Variants in FSIP1 observed in about 807,000 individuals in gnomAD.
FSIP1 encodes the protein fibrous sheath interacting protein 1.
In FSIP1, 65 loss-of-function variants were observed where a neutral mutation model predicts 60.9. The ratio of observed to expected loss-of-function variants is 1.07; its 90% CI spans 0.87 to 1.31. The LOEUF (loss-of-function observed/expected upper bound fraction) is 1.31. Ranked by LOEUF, FSIP1 falls within the 40% of genes most tolerant of loss-of-function variation. The probability of loss-of-function intolerance (pLI) is 0.00; values close to 1 mark genes in which losing one functional copy is unlikely to be tolerated. For synonymous variants in FSIP1, 209 were observed against 221.2 expected, an observed-to-expected ratio of 0.94 and a Z score of 0.49; for missense variants, 675 against 665.5, an observed-to-expected ratio of 1.01 and a Z score of -0.16.
At chr15:39,739,191 C>T (rs1896718788) in intron 7 of FSIP1, among the ~76,000 whole-genome samples, 2 of 152,172 alleles carry the variant, frequency 1.3e-5, no homozygotes, top group Admixed American at 6.5e-5. Flanking sequence ...GCTGCTGGGA[C>T]GTCCAGAGAA....
intron 10 of FSIP1, among the ~76,000 whole-genome samples, chr15:39,706,404 G>A (rs544220741): frequency 8.8e-4 from 134 of 152,200 alleles, no homozygotes; most frequent in Non-Finnish European, 1.6e-3. Flanking sequence ...CTGGCCTAAC[G>A]GGTGTATATA....
Position 39,751,795 on chromosome 15 carries a change from A to G in FSIP1, c.560-9895T>C, listed in dbSNP as rs1319707396. On this transcript the variant is annotated intron_variant, in intron 5 of 11. Transcript: ENST00000350221. ...GTATTACATTCAGGATTTTTGCTAA[A>G]TGAGATTATAGCTGCTCTTCCCATG... 9.9e-5 allele frequency among the ~76,000 whole-genome samples: 15 copies of G among 151,956 alleles called. No homozygotes were observed. The East Asian group carries it at 2.7e-3, about 27-fold the overall frequency.
intron 9 of FSIP1, among the ~76,000 whole-genome samples, chr15:39,715,910 C>T (rs1895720295): frequency 6.6e-6 from 1 of 152,190 alleles, no homozygotes; most frequent in Non-Finnish European, 1.5e-5. Flanking sequence ...CCTGCTTCCC[C>T]TTCACCTTCT....
At position 39,770,463 on chromosome 15, in the gene FSIP1, C is replaced by G. The variant is rs372076676; in HGVS notation, c.274G>C (p.Asp92His). ...GAGATTATCTGATGTTGAACCAAAT[C>G]CAGATCTTCATCTGATCCCTCTTCA... ...LAEEGSDEDL[D>H]LVQHQIISEC... The change falls in exon 3 of 12, where the codon GAT becomes CAT. Residue 92 changes from aspartate to histidine, a missense_variant. Asp to His is a moderately conservative substitution (Grantham distance 81, BLOSUM62 -1). Coordinates refer to ENST00000350221, the MANE Select transcript of FSIP1 (RefSeq NM_152597.5). 17 of 1,607,608 alleles carry G rather than the reference C, an allele frequency of 1.1e-5. No homozygotes were observed. The African/African-American group carries it at 1.7e-4, about 16-fold the overall frequency.
intron 3 of FSIP1, among the ~76,000 whole-genome samples, chr15:39,766,832 ACTTCTT>A (rs141611716): frequency 1.3e-5 from 2 of 151,984 alleles, no homozygotes; most frequent in African/African-American, 4.8e-5. Context: ...AATGTGCATC[ACTTCTT>A]CTTCTTCTTC....
intron 10 of FSIP1, among the ~76,000 whole-genome samples, chr15:39,708,067 G>A (rs938970809): frequency 7.2e-5 from 11 of 152,142 alleles, no homozygotes; most frequent in South Asian, 2.1e-4. Context: ...CTATGAAAGC[G>A]GATACTCCCA....
chr15:39,726,082 G>A (rs993865480), intron 9 of FSIP1, among the ~76,000 whole-genome samples: 8 of 152,066 alleles, frequency 5.3e-5, no homozygotes, highest in East Asian at 1.9e-4. Context: ...ATGAGCCACC[G>A]CACCTGCTTT....
At chr15:39,697,879 C>T (rs909357744) in intron 10 of FSIP1, among the ~76,000 whole-genome samples, 1 of 152,046 alleles carries the variant, frequency 6.6e-6, no homozygotes, top group South Asian at 2.1e-4. Context: ...TAAAAACACA[C>T]AGCTAGACAC....
chr15:39,716,943 T>A lies in FSIP1; in HGVS notation c.1051-3362A>T, dbSNP rs1181418112. Among the ~76,000 whole-genome samples the A allele has an allele frequency of 8.6e-5, 13 of 151,076 alleles. No individual in the cohort carries two copies. The South Asian group carries it at 2.5e-3, about 29-fold the overall frequency. ...GATTCTCCTGCCTCAGCCTCCTGAG[T>A]AGCTGAGATTACAGGCATGCACCAC... On this transcript the variant is annotated intron_variant, in intron 9 of 11. Coordinates refer to ENST00000350221, the MANE Select transcript of FSIP1 (RefSeq NM_152597.5).
At chr15:39,757,579 T>C (rs1897338877) in intron 5 of FSIP1, among the ~76,000 whole-genome samples, 1 of 152,158 alleles carries the variant, frequency 6.6e-6, no homozygotes. Flanking sequence ...AACTACTTTT[T>C]TGTTTTTAAG....
intron 10 of FSIP1, among the ~76,000 whole-genome samples, chr15:39,629,297 C>G (rs1193497526): frequency 6.6e-6 from 1 of 152,128 alleles, no homozygotes; most frequent in Non-Finnish European, 1.5e-5. Context: ...CTATCATCGC[C>G]CTCGGAAGGT....
chr15:39,600,468 G>A lies in FSIP1; in HGVS notation c.*412C>T, dbSNP rs1472202369. 6.5e-6 allele frequency: 1 copy of A among 154,592 alleles called. No individual in the cohort carries two copies. The highest frequency in any genetic ancestry group is 1.4e-5 in the Non-Finnish European group (1 of 69,840). 9.6% of individuals were successfully genotyped at this position (154,592 alleles called of 1,614,324 possible). On this transcript the variant is annotated 3_prime_UTR_variant, in exon 12 of 12. Transcript: ENST00000350221. ...ACAGACATGAGACAAGTGGGAAGAA[G>A]GAAAAGCAGGGCCACAGCAAAAATT...
intron 10 of FSIP1, among the ~76,000 whole-genome samples, chr15:39,659,404 TG>T (rs1168578626): frequency 6.6e-6 from 1 of 151,800 alleles, no homozygotes; most frequent in Admixed American, 6.6e-5. Flanking sequence ...TAGCCAGGCG[TG>T]GTGGCGGGCG....
intron 10 of FSIP1, among the ~76,000 whole-genome samples, chr15:39,629,172 G>A (rs1320567234): frequency 6.6e-6 from 1 of 152,158 alleles, no homozygotes; most frequent in African/African-American, 2.4e-5. Flanking sequence ...CAATGAGTAA[G>A]CTGTCATGTG....
chr15:39,744,025 C>A (rs1896896399), intron 5 of FSIP1, among the ~76,000 whole-genome samples: 1 of 152,070 alleles, frequency 6.6e-6, no homozygotes, highest in Admixed American at 6.5e-5. Context: ...GGCAAAATCT[C>A]AATAAAGCCT....
chr15:39,698,275 T>G (rs2140518566), intron 10 of FSIP1, among the ~76,000 whole-genome samples: 1 of 151,832 alleles, frequency 6.6e-6, no homozygotes, highest in East Asian at 1.9e-4. Flanking sequence ...TAAATATAAT[T>G]TCATCTGCTT....
chr15:39,598,689 AATT>A (rs2140355168), downstream of FSIP1: 1 of 152,284 alleles, frequency 6.6e-6, no homozygotes, highest in South Asian at 2.1e-4. Context: ...TAAAAATTAA[AATT>A]ATGTCATCGA....
At chr15:39,705,992 G>A (rs1000150713) in intron 10 of FSIP1, among the ~76,000 whole-genome samples, 5 of 80,052 alleles carry the variant, frequency 6.2e-5, no homozygotes, top group Non-Finnish European at 1.2e-4. Context: ...AGTGAGACTC[G>A]GTCTCAAAAA....
In FSIP1 at chr15:39,741,858, T is replaced by C. The variant is rs1896814119; in HGVS notation, c.602A>G (p.His201Arg). 1.2e-6 allele frequency: 2 copies of C among 1,607,102 alleles called. No individual in the cohort carries two copies. Among genetic ancestry groups the C allele is most frequent in the Non-Finnish European group, 1.7e-6 (2 of 1,174,194 alleles). The stretch of plus-strand genomic sequence containing the variant: ...ATATTCTTCTGGAGGGATTTGAGTA[T>C]GAAACACTGAGGAAAAGGTGTCTTC... Reference protein sequence around the residue: ...EEEDTFSSVFHTQIPPEEYEM... With the variant: ...EEEDTFSSVFRTQIPPEEYEM... The change falls in exon 6 of 12, where the codon CAT (histidine) becomes CGT (arginine). Residue 201 changes from histidine (H) to arginine (R), a missense_variant. His to Arg is a conservative substitution (Grantham distance 29). Transcript: ENST00000350221.
Sources: gnomAD v4.1 joint callset for allele counts (sites outside exome capture counted in the v4.1 genomes callset) on GRCh38, gnomAD v4.1.1 for gene constraint, MANE v1.5 for transcripts, NCBI Gene and HGNC (gene_info 2026-07-23, HGNC 2026-07-21) for gene names.